OMA1: variants seen among roughly 807,000 people sequenced by gnomAD.
OMA1 encodes the protein OMA1 zinc metallopeptidase, also known as metalloendopeptidase OMA1, mitochondrial.
OMA1 carries 38 observed loss-of-function variants against 30.9 expected under a neutral mutation model. That is an observed-to-expected ratio of 1.23 (90% CI 0.95 to 1.61). The LOEUF is 1.61. OMA1 is among the 40% of genes most tolerant of loss of function. The pLI, the probability that OMA1 is intolerant of heterozygous loss-of-function variation, is 0.00. For synonymous variants in OMA1, 173 were observed against 121.9 expected (o/e 1.42, Z -2.76); for missense variants, 461 against 349.2 (o/e 1.32, Z -2.55).
intron 7 of OMA1, among the ~76,000 whole-genome samples, chr1:58,523,674 C>T (rs576490948): frequency 8.0e-4 from 122 of 152,194 alleles, no homozygotes; most frequent in African/African-American, 2.6e-3. Context: ...CCAAGGAGGG[C>T]GGATCACGAG....
intron 2 of OMA1, among the ~76,000 whole-genome samples, 195 bp from the exon 3 acceptor site, chr1:58,536,936 G>A (rs572019356): frequency 6.6e-6 from 1 of 152,146 alleles, no homozygotes; most frequent in African/African-American, 2.4e-5. Context: ...TAAAGTTACA[G>A]TTAAAAAATT....
intron 8 of OMA1, among the ~76,000 whole-genome samples, chr1:58,504,797 A>T (rs1246174130): frequency 6.6e-6 from 1 of 152,188 alleles, no homozygotes; most frequent in Non-Finnish European, 1.5e-5. Flanking sequence ...GATAAATCAT[A>T]TCCTTGTACT....
intron 8 of OMA1, among the ~76,000 whole-genome samples, chr1:58,503,222 T>C (rs759897912): frequency 3.3e-5 from 5 of 152,124 alleles, no homozygotes; most frequent in Admixed American, 1.3e-4. Context: ...GAAAATCATA[T>C]TGTTATCATT....
chr1:58,521,550 A>G (rs113192552), intron 7 of OMA1, among the ~76,000 whole-genome samples: 3 of 152,254 alleles, frequency 2.0e-5, no homozygotes, highest in African/African-American at 7.2e-5. Flanking sequence ...AAGACAAGAC[A>G]AAGAGCACCA....
chr1:58,511,303 G>A (rs1363519484), intron 7 of OMA1, among the ~76,000 whole-genome samples: 1 of 152,068 alleles, frequency 6.6e-6, no homozygotes. Context: ...AGAAGAGAGA[G>A]CCCAAAATTA....
intron 8 of OMA1, among the ~76,000 whole-genome samples, chr1:58,488,118 T>C (rs1289446762): frequency 6.6e-6 from 1 of 152,180 alleles, no homozygotes; most frequent in Non-Finnish European, 1.5e-5. Context: ...TTTCTTTAAA[T>C]ACAGATTTAG....
chr1:58,502,390 C>A (rs766153010), intron 8 of OMA1, among the ~76,000 whole-genome samples: 1 of 152,178 alleles, frequency 6.6e-6, no homozygotes, highest in African/African-American at 2.4e-5. Flanking sequence ...TCACTTCCTA[C>A]GTGAACTCAT....
At chr1:58,496,419 G>A (rs1340955266) in intron 8 of OMA1, among the ~76,000 whole-genome samples, 3 of 152,130 alleles carry the variant, frequency 2.0e-5, no homozygotes, top group Non-Finnish European at 4.4e-5. Flanking sequence ...CCAGCTTCAG[G>A]TGGCACTGCT....
chr1:58,502,426 T>C (rs187735643), intron 8 of OMA1, among the ~76,000 whole-genome samples: 1 of 152,330 alleles, frequency 6.6e-6, no homozygotes, highest in African/African-American at 2.4e-5. Flanking sequence ...CAACTATCAC[T>C]TCTTTTTAGA....
At chr1:58,539,392 T>C (rs941952086) in intron 1 of OMA1, 82 bp from the exon 2 acceptor site, 1 of 663,772 alleles carries the variant, frequency 1.5e-6, no homozygotes, top group Non-Finnish European at 2.5e-6. Flanking sequence ...TAAATAGGCG[T>C]GTCAGTTGTT....
intron 8 of OMA1, among the ~76,000 whole-genome samples, chr1:58,487,180 G>A (rs1042298926): frequency 6.6e-6 from 1 of 152,190 alleles, no homozygotes; most frequent in African/African-American, 2.4e-5. Flanking sequence ...AAGGAGCAGT[G>A]GCGAAGTTGA....
At chr1:58,492,672 TG>T (rs1284384770) in intron 8 of OMA1, among the ~76,000 whole-genome samples, 25 of 151,980 alleles carry the variant, frequency 1.6e-4, no homozygotes, top group African/African-American at 6.0e-4. Flanking sequence ...CTGGAAGAAA[TG>T]GATAAATTCC....
At chr1:58,545,511 A>T (rs1447799169) in intron 1 of OMA1, among the ~76,000 whole-genome samples, 1 of 22,604 alleles carries the variant, frequency 4.4e-5, no homozygotes. Flanking sequence ...GCACATAAGA[A>T]AAAAAAAAAT....
intron 3 of OMA1, among the ~76,000 whole-genome samples, chr1:58,534,823 C>G (rs956781725): frequency 6.6e-6 from 1 of 152,116 alleles, no homozygotes; most frequent in East Asian, 1.9e-4. Flanking sequence ...GTGTTCCCAG[C>G]TACATGGGAG....
intron 1 of OMA1, among the ~76,000 whole-genome samples, chr1:58,544,335 T>C (rs182508967): frequency 7.2e-5 from 11 of 152,270 alleles, no homozygotes; most frequent in African/African-American, 1.9e-4. Context: ...CTAGAGATAC[T>C]GCAGAGAACA....
In OMA1 at chr1:58,506,143, C is replaced by T. The variant is rs1294636259; in HGVS notation, c.1282G>A (p.Gly428Ser). 1.1e-6 allele frequency: 1 copy of T among 871,836 alleles called. No homozygotes were observed. The highest frequency in any genetic ancestry group is 2.4e-5 in the East Asian group (1 of 41,670). The allele number at this position is 871,836 out of a possible 1,614,324, so 54.0% of individuals were successfully genotyped here. Reference sequence around the variant, plus strand: ...AACCATTCTGGCATCTTGGGTTGGCCATGCAGGCTATCAACGAACTCCATT... The same window carrying T: ...AACCATTCTGGCATCTTGGGTTGGCTATGCAGGCTATCAACGAACTCCATT... ...QQMEFVDSLHGQPKMPEWLST... is the reference protein window; with the variant it reads ...QQMEFVDSLHSQPKMPEWLST... Residue 428 changes from glycine (G) to serine (S), a missense_variant, in exon 8 of 9, where the codon GGC becomes AGC. Transcript: ENST00000371226.
At position 58,483,771 on chromosome 1, in the gene OMA1, T is replaced by C. The variant is rs1645528419; in HGVS notation, c.1366-2597A>G. Among the ~76,000 whole-genome samples the C allele has an allele frequency of 1.3e-5, 2 of 152,230 alleles. 1 individual carries two copies. The highest frequency in any genetic ancestry group is 4.1e-4 in the South Asian group (2 of 4,826). ...TGCTAGCAAGATTTGCACTGAGACATCAGGCATGAGCCATGACTGTCTCTG... is the reference window on the plus strand; with the variant it reads ...TGCTAGCAAGATTTGCACTGAGACACCAGGCATGAGCCATGACTGTCTCTG... On this transcript the variant is annotated intron_variant, in intron 8 of 8. Transcript: ENST00000371226.
At chr1:58,520,489 T>C (rs1646245142) in intron 7 of OMA1, among the ~76,000 whole-genome samples, 2 of 152,040 alleles carry the variant, frequency 1.3e-5, no homozygotes, top group African/African-American at 4.8e-5. Context: ...ATATAAATAA[T>C]TACAAATAAG....
At chr1:58,489,952 C>A (rs1250034700) in intron 8 of OMA1, among the ~76,000 whole-genome samples, 2 of 152,132 alleles carry the variant, frequency 1.3e-5, no homozygotes, top group African/African-American at 4.8e-5. Flanking sequence ...ACGTCACCAT[C>A]ATCAAAGACC....
Sources: gnomAD v4.1 joint callset for allele counts (sites outside exome capture counted in the v4.1 genomes callset) on GRCh38, gnomAD v4.1.1 for gene constraint, MANE v1.5 for transcripts, NCBI Gene and HGNC (gene_info 2026-07-23, HGNC 2026-07-21) for gene names.